CDH18: variants seen among roughly 807,000 people sequenced by gnomAD.
CDH18 encodes cadherin 18, also known as cadherin-18.
In CDH18, 31 loss-of-function variants were observed where a neutral mutation model predicts 67.9. That is an observed-to-expected ratio of 0.46 (90% CI 0.34 to 0.62). The LOEUF is 0.62. CDH18 is among the 20% of genes least tolerant of loss of function. The pLI is 0.01. For missense variants in CDH18, 890 were observed against 975.5 expected (o/e 0.91, Z 1.17); for synonymous variants, 362 against 347.2 (o/e 1.04, Z -0.48).
intron 1 of CDH18, among the ~76,000 whole-genome samples, chr5:20,536,289 G>A (rs1756714695): frequency 6.6e-6 from 1 of 152,024 alleles, no homozygotes; most frequent in African/African-American, 2.4e-5. Flanking sequence ...GTTTGGGACT[G>A]GGGGAAAATA....
chr5:20,095,364 GAC>G (rs1745830105), intron 2 of CDH18, among the ~76,000 whole-genome samples: 1 of 89,768 alleles, frequency 1.1e-5, no homozygotes, highest in Non-Finnish European at 2.3e-5. Context: ...AGAAAGAAAA[GAC>G]AGAAGAAAGA....
intron 2 of CDH18, among the ~76,000 whole-genome samples, chr5:20,084,318 A>G (rs1200013523): frequency 2.6e-5 from 4 of 152,204 alleles, no homozygotes; most frequent in African/African-American, 9.6e-5. Context: ...CCTCACATCC[A>G]GGTCATGCTG....
In CDH18 at chr5:20,020,272, G is replaced by C. The variant is rs147026210; in HGVS notation, c.-517-28258C>G. On this transcript the variant is annotated intron_variant, in intron 2 of 14. Coordinates refer to the CDH18 transcript ENST00000507958. ...AGTTCAGAAAATTTGCAGCCTGACC[G>C]TGAGGATAGAAAATGGGTAGAAAAG... Among the ~76,000 whole-genome samples, 405 of 152,294 alleles carry C rather than the reference G, an allele frequency of 2.7e-3. 2 individuals carry two copies. The highest frequency in any genetic ancestry group is 3.8e-3 in the Non-Finnish European group (258 of 68,024).
intron 8 of CDH18, among the ~76,000 whole-genome samples, chr5:19,567,840 C>A (rs183175106): frequency 6.6e-6 from 1 of 152,186 alleles, no homozygotes; most frequent in East Asian, 1.9e-4. Flanking sequence ...ATCCCAACAA[C>A]CAGGAGAGTG....
intron 5 of CDH18, among the ~76,000 whole-genome samples, chr5:19,622,347 A>G (rs1270833092): frequency 1.3e-5 from 2 of 152,222 alleles, no homozygotes; most frequent in African/African-American, 4.8e-5. Flanking sequence ...TCTTGTTTCA[A>G]GTGGCCATTA....
At chr5:20,061,645 T>C (rs1051542241) in intron 2 of CDH18, among the ~76,000 whole-genome samples, 2 of 152,120 alleles carry the variant, frequency 1.3e-5, no homozygotes, top group Non-Finnish European at 2.9e-5. Flanking sequence ...AAAAAGAATA[T>C]GTATATAAGG....
intron 2 of CDH18, among the ~76,000 whole-genome samples, chr5:19,902,224 C>T (rs1461720503): frequency 6.6e-6 from 1 of 152,110 alleles, no homozygotes; most frequent in Non-Finnish European, 1.5e-5. Flanking sequence ...TTAACCTAGC[C>T]TCACTGAGAT....
chr5:19,483,498 T>A lies in CDH18; in HGVS notation c.1685A>T (p.Asp562Val), dbSNP rs749295830. Residue 562 changes from aspartate to valine, a missense_variant, in exon 12 of 13, where the codon GAT becomes GTT. Transcript: ENST00000382275. ...GATCATAATGGGCAGATAATACACA[T>A]CCTGAACAGTTCGACTAAATCTCCT... ...RRRRFSRTVQ[D>V]VYYLPIMISD... 26 of 1,613,906 alleles carry A rather than the reference T, an allele frequency of 1.6e-5. No homozygotes were observed. Among genetic ancestry groups the A allele is most frequent in the Non-Finnish European group, 2.2e-5 (26 of 1,179,970 alleles).
intron 1 of CDH18, among the ~76,000 whole-genome samples, chr5:20,285,544 T>G (rs1746634120): frequency 6.6e-6 from 1 of 151,164 alleles, no homozygotes; most frequent in African/African-American, 2.4e-5. Flanking sequence ...TCATTTTATT[T>G]TCTCTTCCGT....
chr5:20,180,211 C>T (rs1033713112), intron 2 of CDH18, among the ~76,000 whole-genome samples: 7 of 152,056 alleles, frequency 4.6e-5, no homozygotes, highest in African/African-American at 1.4e-4. Context: ...TGGAATGCCA[C>T]CCTTGTGGAG....
rs182951937 is a variant in CDH18 at position 19,569,727 on chromosome 5, T to C, written c.1253+1852A>G. On this transcript the variant is annotated intron_variant, in intron 8 of 12. Coordinates refer to ENST00000382275, the MANE Select transcript of CDH18 (RefSeq NM_004934.5). ...ATTTCTTCCACCTAAATGTACATAT[T>C]GGTACCCACTGGATTGTACATTTTA... Among the ~76,000 whole-genome samples the C allele has an allele frequency of 4.6e-3, 705 of 152,246 alleles. 3 individuals are homozygous for C. The highest frequency in any genetic ancestry group is 0.016 in the African/African-American group (677 of 41,554).
At chr5:19,802,342 G>A (rs1777556725) in intron 3 of CDH18, among the ~76,000 whole-genome samples, 1 of 152,048 alleles carries the variant, frequency 6.6e-6, no homozygotes, top group South Asian at 2.1e-4. Flanking sequence ...ATTACTTTTA[G>A]TTTTATATAT....
intron 10 of CDH18, among the ~76,000 whole-genome samples, chr5:19,512,781 C>T (rs909296561): frequency 1.4e-4 from 21 of 152,034 alleles, no homozygotes; most frequent in African/African-American, 4.8e-4. Context: ...TTTTAAAATA[C>T]TATCCTTTTT....
intron 2 of CDH18, among the ~76,000 whole-genome samples, chr5:20,242,213 T>A (rs1424539654): frequency 6.6e-6 from 1 of 152,096 alleles, no homozygotes; most frequent in African/African-American, 2.4e-5. Flanking sequence ...TTTTGATATA[T>A]GTTTACAATG....
At chr5:20,127,628 A>G (rs1430172703) in intron 2 of CDH18, among the ~76,000 whole-genome samples, 1 of 152,124 alleles carries the variant, frequency 6.6e-6, no homozygotes. Flanking sequence ...TTACTTAGGC[A>G]AGTTATCTAA....
chr5:19,597,615 A>C (rs1746382562), intron 6 of CDH18, among the ~76,000 whole-genome samples: 1 of 152,174 alleles, frequency 6.6e-6, no homozygotes, highest in Non-Finnish European at 1.5e-5. Flanking sequence ...AGAAAAAAAA[A>C]CAAATAAAAA....
chr5:20,145,641 G>A (rs1750583006), intron 2 of CDH18, among the ~76,000 whole-genome samples: 1 of 152,088 alleles, frequency 6.6e-6, no homozygotes, highest in Non-Finnish European at 1.5e-5. Context: ...GCCTTTCCAA[G>A]TAGATACAAG....
intron 1 of CDH18, among the ~76,000 whole-genome samples, chr5:20,424,987 C>T (rs1307484578): frequency 1.3e-5 from 2 of 150,636 alleles, no homozygotes; most frequent in African/African-American, 2.5e-5. Flanking sequence ...CAGAAAATGA[C>T]ATATTTTGGT....
intron 2 of CDH18, among the ~76,000 whole-genome samples, chr5:20,175,174 G>A (rs1732792064): frequency 6.6e-6 from 1 of 151,994 alleles, no homozygotes; most frequent in Admixed American, 6.6e-5. Context: ...AGGCATAGAA[G>A]TTGGAGCTAA....
Sources: gnomAD v4.1 joint callset for allele counts (sites outside exome capture counted in the v4.1 genomes callset) on GRCh38, gnomAD v4.1.1 for gene constraint, MANE v1.5 for transcripts, NCBI Gene and HGNC (gene_info 2026-07-23, HGNC 2026-07-21) for gene names.